DIAPH2: variants seen among roughly 807,000 people sequenced by gnomAD.
DIAPH2 encodes protein diaphanous homolog 2.
In DIAPH2, 35 loss-of-function variants were observed where a neutral mutation model predicts 92.7. The ratio of observed to expected loss-of-function variants is 0.38; its 90% CI spans 0.29 to 0.50. The LOEUF (loss-of-function observed/expected upper bound fraction) is 0.50, where lower values mean the gene tolerates loss of function less well. Ranked by LOEUF, DIAPH2 falls within the 20% of genes least tolerant of loss-of-function variation. The probability of loss-of-function intolerance (pLI) is 0.94; values close to 1 mark genes in which losing one functional copy is unlikely to be tolerated. For missense variants in DIAPH2, 701 were observed against 819.5 expected, an observed-to-expected ratio of 0.86 and a Z score of 1.77; for synonymous variants, 301 against 280.4, an observed-to-expected ratio of 1.07 and a Z score of -0.73.
At chrX:96,807,419 G>T (rs1360831151) in intron 4 of DIAPH2, among the ~76,000 whole-genome samples, 1 of 112,016 alleles carries the variant, frequency 8.9e-6, no homozygotes, top group Non-Finnish European at 1.9e-5. Context: ...ATGAGGTGAA[G>T]ACTTTTGTCA....
chrX:96,996,958 T>G (rs923062136), intron 17 of DIAPH2, among the ~76,000 whole-genome samples: 5 of 112,304 alleles, frequency 4.5e-5, no homozygotes, highest in African/African-American at 1.6e-4. Context: ...TTTATAACTC[T>G]TTCCTATCAC....
chrX:96,884,236 G>A, intron 5 of DIAPH2: 4 of 921,595 alleles, frequency 4.3e-6, no homozygotes, highest in Non-Finnish European at 1.5e-6. Flanking sequence ...AGCCTTCTGT[G>A]GAGAACTCAA....
intron 14 of DIAPH2, among the ~76,000 whole-genome samples, chrX:96,946,792 GT>G: frequency 9.0e-6 from 1 of 111,553 alleles, no homozygotes; most frequent in East Asian, 2.8e-4. Context: ...GTCTGGTAAA[GT>G]TTTTTTGTGA....
intron 17 of DIAPH2, among the ~76,000 whole-genome samples, chrX:96,980,165 C>T (rs979307790): frequency 2.7e-5 from 3 of 111,606 alleles, no homozygotes; most frequent in African/African-American, 9.8e-5. Context: ...TAACAGTCTT[C>T]TGTAACCTGA....
chrX:97,434,428 G>C (rs1013995557), intron 26 of DIAPH2, among the ~76,000 whole-genome samples: 1 of 56,566 alleles, frequency 1.8e-5, no homozygotes, highest in South Asian at 8.6e-4. Flanking sequence ...TTTTTTTTTT[G>C]AGAAGGAGTC....
At chrX:96,734,950 C>A (rs1480655482) in intron 1 of DIAPH2, among the ~76,000 whole-genome samples, 2 of 110,778 alleles carry the variant, frequency 1.8e-5, no homozygotes, top group African/African-American at 3.3e-5. Flanking sequence ...AATTCAATTT[C>A]TAACAGACAA....
intron 5 of DIAPH2, among the ~76,000 whole-genome samples, chrX:96,909,749 T>G (rs1267099616): frequency 9.0e-6 from 1 of 111,423 alleles, no homozygotes; most frequent in Non-Finnish European, 1.9e-5. Context: ...AGTTGTATGA[T>G]TGTATCTTAT....
intron 23 of DIAPH2, among the ~76,000 whole-genome samples, chrX:97,308,632 T>C (rs2068766842): frequency 1.1e-5 from 1 of 91,548 alleles, no homozygotes; most frequent in African/African-American, 4.2e-5. Context: ...TTTTTTTTTT[T>C]TTTTTTGAGA....
intron 1 of DIAPH2, among the ~76,000 whole-genome samples, chrX:96,690,341 T>C (rs1317143566): frequency 9.0e-6 from 1 of 111,663 alleles, no homozygotes; most frequent in Non-Finnish European, 1.9e-5. Flanking sequence ...GCTCTTTGAT[T>C]AATGTTTGCC....
chrX:96,922,168 G>A lies in DIAPH2; in HGVS notation c.978+3551G>A, dbSNP rs918283907. 3.6e-5 allele frequency among the ~76,000 whole-genome samples: 4 copies of A among 111,319 alleles called. No homozygotes were observed. In the Admixed American group the frequency reaches 3.8e-4, roughly 11 times the overall value. On this transcript the variant is annotated intron_variant, in intron 9 of 26. Transcript: ENST00000324765. ...CTTCCCTAGGGTCACAGTGTGAATA[G>A]AAGGGAAAGCACAGATTATACACCA...
intron 22 of DIAPH2, among the ~76,000 whole-genome samples, chrX:97,143,519 T>C (rs1310759039): frequency 9.1e-6 from 1 of 110,166 alleles, no homozygotes; most frequent in East Asian, 2.8e-4. Flanking sequence ...ATATTTACTA[T>C]ACATAAATAA....
At chrX:96,807,265 A>T (rs1033274055) in intron 4 of DIAPH2, among the ~76,000 whole-genome samples, 8 of 111,988 alleles carry the variant, frequency 7.1e-5, no homozygotes, top group African/African-American at 2.6e-4. Flanking sequence ...CACACGTTTC[A>T]GTGTTAAAGA....
intron 26 of DIAPH2, among the ~76,000 whole-genome samples, chrX:97,461,796 T>C (rs1027738424): frequency 9.0e-6 from 1 of 111,707 alleles, no homozygotes; most frequent in Admixed American, 9.6e-5. Context: ...CCTCTAGGCT[T>C]TTCTGTATAT....
chrX:97,278,731 G>C (rs1461346059), intron 23 of DIAPH2, among the ~76,000 whole-genome samples: 1 of 112,172 alleles, frequency 8.9e-6, no homozygotes, highest in African/African-American at 3.2e-5. Context: ...ATAGCTCCAA[G>C]ACATGTTTCT....
intron 26 of DIAPH2, among the ~76,000 whole-genome samples, chrX:97,594,103 T>C (rs1353389290): frequency 9.0e-6 from 1 of 111,002 alleles, no homozygotes; most frequent in African/African-American, 3.3e-5. Context: ...GTTCCAGAAG[T>C]TTAATGACAT....
intron 23 of DIAPH2, among the ~76,000 whole-genome samples, chrX:97,255,064 T>A (rs1179276610): frequency 9.0e-6 from 1 of 111,529 alleles, no homozygotes; most frequent in Non-Finnish European, 1.9e-5. Flanking sequence ...GTACAGGAGA[T>A]CACATAGGTA....
At chrX:97,227,354 T>C (rs1428754349) in intron 22 of DIAPH2, among the ~76,000 whole-genome samples, 1 of 111,970 alleles carries the variant, frequency 8.9e-6, no homozygotes, top group Non-Finnish European at 1.9e-5. Flanking sequence ...CCTATTCTAT[T>C]CATTTATTAT....
chrX:97,185,489 A>G (rs983875310), intron 22 of DIAPH2, among the ~76,000 whole-genome samples: 7 of 40,528 alleles, frequency 1.7e-4, no homozygotes, highest in African/African-American at 4.0e-4. Context: ...ATATATATAT[A>G]TATATATATA....
intron 17 of DIAPH2, among the ~76,000 whole-genome samples, chrX:96,975,677 C>G (rs2065955777): frequency 9.0e-6 from 1 of 111,686 alleles, no homozygotes; most frequent in Non-Finnish European, 1.9e-5. Context: ...TCTCACGCTT[C>G]TGGAGACTAA....
Sources: allele counts gnomAD v4.1 joint callset (sites outside exome capture counted in the v4.1 genomes callset), GRCh38; gene constraint gnomAD v4.1.1; transcripts MANE v1.5; gene names NCBI Gene and HGNC (gene_info 2026-07-23, HGNC 2026-07-21).